GPR39: variants seen among roughly 807,000 people sequenced by gnomAD.
The protein encoded by GPR39 is zinc sensing receptor.
A neutral mutation model predicts 18.4 loss-of-function variants in GPR39; 23 were observed. The observed-to-expected ratio is 1.25, with a 90% CI of 0.90 to 1.77. The LOEUF is 1.77. Among genes scored for constraint, GPR39 ranks in the 40% most tolerant of loss-of-function variants. The pLI is 0.00. For synonymous variants in GPR39, 280 were observed against 257.9 expected, an observed-to-expected ratio of 1.09 and a Z score of -0.82; for missense variants, 647 against 602.4, an observed-to-expected ratio of 1.07 and a Z score of -0.78.
intron 1 of GPR39, among the ~76,000 whole-genome samples, chr2:132,539,551 G>T (rs953706154): frequency 2.6e-5 from 4 of 152,204 alleles, no homozygotes; most frequent in African/African-American, 9.6e-5. Context: ...TTGGGATAGA[G>T]AAGTTGTTCT....
intron 1 of GPR39, among the ~76,000 whole-genome samples, chr2:132,423,738 C>T (rs1407518995): frequency 6.6e-6 from 1 of 152,212 alleles, no homozygotes; most frequent in African/African-American, 2.4e-5. Context: ...TCACTGTTGT[C>T]ATTTTACATT....
chr2:132,435,163 CA>C (rs1444250456), intron 1 of GPR39, among the ~76,000 whole-genome samples: 1 of 152,014 alleles, frequency 6.6e-6, no homozygotes, highest in Non-Finnish European at 1.5e-5. Flanking sequence ...TAGAGAAATA[CA>C]AAGGCAAAAA....
At chr2:132,554,793 A>G (rs1450856421) in intron 1 of GPR39, among the ~76,000 whole-genome samples, 3 of 152,232 alleles carry the variant, frequency 2.0e-5, no homozygotes, top group African/African-American at 7.2e-5. Flanking sequence ...GATATGCGCT[A>G]TCTCTTAAAT....
intron 1 of GPR39, among the ~76,000 whole-genome samples, chr2:132,421,649 A>G (rs1397408451): frequency 1.3e-5 from 2 of 152,152 alleles, no homozygotes; most frequent in Admixed American, 1.3e-4. Flanking sequence ...GTGTATTTGG[A>G]TGGAACAAAG....
At chr2:132,516,248 G>A (rs1474548443) in intron 1 of GPR39, among the ~76,000 whole-genome samples, 1 of 152,172 alleles carries the variant, frequency 6.6e-6, no homozygotes, top group Non-Finnish European at 1.5e-5. Context: ...TGCCTCTGAG[G>A]AAGGTGGCAT....
chr2:132,491,807 C>T (rs1681466393), intron 1 of GPR39, among the ~76,000 whole-genome samples: 1 of 151,808 alleles, frequency 6.6e-6, no homozygotes. Flanking sequence ...GCTGTGTGAC[C>T]TCAGGCAAGC....
At position 132,417,360 on chromosome 2, in the gene GPR39, G is replaced by A; in HGVS notation, c.318G>A (p.Leu106=). 5 of 1,614,172 alleles carry A rather than the reference G, an allele frequency of 3.1e-6. No individual in the cohort carries two copies. The highest frequency in any genetic ancestry group is 4.2e-6 in the Non-Finnish European group (5 of 1,180,028). Residue 106 remains leucine (L), a synonymous_variant, in exon 1 of 2, where the codon CTG becomes CTA. Coordinates refer to ENST00000329321, the MANE Select transcript of GPR39 (RefSeq NM_001508.3). ...WNPLTTSSYT[L]SCKLHTFLFE... ...CCCTGACCACGTCCAGCTACACCCT[G>A]TCCTGCAAGCTGCACACTTTCCTCT...
At chr2:132,506,273 T>C (rs1310620222) in intron 1 of GPR39, among the ~76,000 whole-genome samples, 2 of 152,182 alleles carry the variant, frequency 1.3e-5, no homozygotes, top group Non-Finnish European at 2.9e-5. Context: ...TGTTGAGTTG[T>C]TTGAGTTCTT....
At chr2:132,455,105 T>C (rs1369690559) in intron 1 of GPR39, among the ~76,000 whole-genome samples, 1 of 152,218 alleles carries the variant, frequency 6.6e-6, no homozygotes, top group African/African-American at 2.4e-5. Context: ...TGAACCTGTC[T>C]GGTCCTGGAC....
At chr2:132,583,091 T>G (rs1232306553) in intron 1 of GPR39, among the ~76,000 whole-genome samples, 1 of 151,894 alleles carries the variant, frequency 6.6e-6, no homozygotes, top group Non-Finnish European at 1.5e-5. Flanking sequence ...TTTTGTTGTT[T>G]GTTTAGAGGT....
chr2:132,427,104 T>C (rs1276193424), intron 1 of GPR39, among the ~76,000 whole-genome samples: 1 of 129,726 alleles, frequency 7.7e-6, no homozygotes, highest in Non-Finnish European at 1.6e-5. Flanking sequence ...TATAGGTACA[T>C]ATATATATAA....
intron 1 of GPR39, among the ~76,000 whole-genome samples, chr2:132,534,024 G>A (rs937261894): frequency 6.6e-6 from 1 of 152,128 alleles, no homozygotes; most frequent in Non-Finnish European, 1.5e-5. Context: ...CTTCTGCACA[G>A]CAAAAGAAAC....
rs534496966 is a variant in GPR39, at chr2:132,637,823, C to T, written c.857-7278C>T. On this transcript the variant is annotated intron_variant, in intron 1 of 1. Coordinates refer to ENST00000329321, the MANE Select transcript of GPR39 (RefSeq NM_001508.3). Reference sequence around the variant, plus strand: ...TTCCGTTGACAAACTCAGCAATGGGCGGAGATTGCCCTCTCTGCCACCTCC... The same window carrying T: ...TTCCGTTGACAAACTCAGCAATGGGTGGAGATTGCCCTCTCTGCCACCTCC... Among the ~76,000 whole-genome samples, 38 of 152,240 alleles carry T rather than the reference C, an allele frequency of 2.5e-4. 1 individual carries two copies. In the South Asian group the frequency reaches 7.7e-3, roughly 31 times the overall value.
chr2:132,555,756 A>G (rs1401376214), intron 1 of GPR39, among the ~76,000 whole-genome samples: 1 of 152,258 alleles, frequency 6.6e-6, no homozygotes, highest in Middle Eastern at 3.4e-3. Flanking sequence ...AAGGCTGACT[A>G]TGACACAGAG....
At chr2:132,524,231 G>T (rs1439867887) in intron 1 of GPR39, among the ~76,000 whole-genome samples, 1 of 152,240 alleles carries the variant, frequency 6.6e-6, no homozygotes, top group African/African-American at 2.4e-5. Flanking sequence ...AGGGTCTTGA[G>T]TTTCCCTGGT....
chr2:132,582,915 CTTTT>C (rs5834320), intron 1 of GPR39, among the ~76,000 whole-genome samples: 18 of 101,586 alleles, frequency 1.8e-4, no homozygotes, highest in Admixed American at 4.3e-4. Flanking sequence ...TTCTTTCTTT[CTTTT>C]TTTTTTTTTT....
chr2:132,617,906 G>A (rs1681366256), intron 1 of GPR39, among the ~76,000 whole-genome samples: 1 of 152,198 alleles, frequency 6.6e-6, no homozygotes, highest in Admixed American at 6.5e-5. Flanking sequence ...GTTAAGCATT[G>A]ACCAAAATAG....
intron 1 of GPR39, among the ~76,000 whole-genome samples, chr2:132,492,725 T>TATAATATATATACACACCATATATAC (rs1681511641): frequency 9.8e-6 from 1 of 101,736 alleles, no homozygotes; most frequent in Non-Finnish European, 2.4e-5. Flanking sequence ...ACCATATATA[T>TATAATATATATACACACCATATATAC]ACCATATATA....
chr2:132,634,239 C>T (rs550983719), intron 1 of GPR39, among the ~76,000 whole-genome samples: 1 of 152,180 alleles, frequency 6.6e-6, no homozygotes, highest in Non-Finnish European at 1.5e-5. Context: ...GACAGTGGTC[C>T]TTTTCTGACA....
Sources: gnomAD v4.1 joint callset for allele counts (sites outside exome capture counted in the v4.1 genomes callset) on GRCh38, gnomAD v4.1.1 for gene constraint, MANE v1.5 for transcripts, NCBI Gene and HGNC (gene_info 2026-07-23, HGNC 2026-07-21) for gene names.